Variants in OSER1 observed in about 807,000 individuals in gnomAD.
OSER1 encodes oxidative stress-responsive serine-rich protein 1.
A neutral mutation model predicts 26.3 loss-of-function variants in OSER1; 15 were observed. That is an observed-to-expected ratio of 0.57 (90% CI 0.38 to 0.88). The LOEUF is 0.88. Ranked by LOEUF, OSER1 falls within the 40% of genes least tolerant of loss-of-function variation. The probability of loss-of-function intolerance (pLI) is 0.00; values close to 1 mark genes in which losing one functional copy is unlikely to be tolerated. For missense variants in OSER1, 313 were observed against 353.9 expected, an observed-to-expected ratio of 0.88 and a Z score of 0.93; for synonymous variants, 127 against 128.2, an observed-to-expected ratio of 0.99 and a Z score of 0.07.
intron 3 of OSER1, among the ~76,000 whole-genome samples, chr20:44,198,313 A>G (rs941865485): frequency 8.5e-5 from 13 of 152,310 alleles, no homozygotes; most frequent in Middle Eastern, 3.4e-3. Flanking sequence ...ACTATGTAAG[A>G]TAACTATTTA....
At chr20:44,203,872 A>C (rs1334846186) in intron 2 of OSER1, among the ~76,000 whole-genome samples, 1 of 152,244 alleles carries the variant, frequency 6.6e-6, no homozygotes, top group African/African-American at 2.4e-5. Context: ...ATAGAAAAAA[A>C]ATACTGTATT....
upstream of OSER1, chr20:44,210,938 C>G (rs927770451): frequency 1.3e-5 from 2 of 152,296 alleles, no homozygotes; most frequent in African/African-American, 4.8e-5. Flanking sequence ...CCGCGCCTCT[C>G]CAACGCCCCG....
intron 3 of OSER1, among the ~76,000 whole-genome samples, chr20:44,202,380 T>TA (rs1201224003): frequency 1.9e-4 from 28 of 149,030 alleles, no homozygotes; most frequent in African/African-American, 6.7e-4. Flanking sequence ...GATTCCATCT[T>TA]AAGAAAAAAA....
At chr20:44,202,335 AC>A (rs2072991946) in intron 3 of OSER1, among the ~76,000 whole-genome samples, 1 of 152,150 alleles carries the variant, frequency 6.6e-6, no homozygotes, top group Admixed American at 6.5e-5. Context: ...AGATTGTGAC[AC>A]TGCACTCCAG....
At position 44,197,427 on chromosome 20, in the gene OSER1, G is replaced by A. The variant is rs756181259; in HGVS notation, c.504C>T (p.Asp168=). 8.7e-6 allele frequency: 14 copies of A among 1,614,084 alleles called. 1 individual carries two copies. Among genetic ancestry groups the A allele is most frequent in the South Asian group, 4.4e-5 (4 of 91,078 alleles). The part of the protein sequence containing the change: ...PSESKKEDSS[D]ATQVPQASLK... ...GACTTGCTTGGGGGACTTGGGTAGC[G>A]TCAGAGGAGTCTTCCTTCTTACTCT... The change falls in exon 4 of 4, where the codon GAC becomes GAT. Residue 168 remains aspartate (D), a synonymous_variant. Coordinates refer to ENST00000255174, the MANE Select transcript of OSER1 (RefSeq NM_016470.8).
intron 3 of OSER1, among the ~76,000 whole-genome samples, chr20:44,199,021 C>T (rs952484891): frequency 5.3e-5 from 8 of 152,180 alleles, no homozygotes; most frequent in African/African-American, 1.7e-4. Flanking sequence ...AGATCAACTA[C>T]CATGGTACTG....
Position 44,196,943 on chromosome 20 carries a change from G to A in OSER1, c.*109C>T, listed in dbSNP as rs2072924758. 1 of 737,220 alleles carries A rather than the reference G, an allele frequency of 1.4e-6. No individual in the cohort carries two copies. The highest frequency in any genetic ancestry group is 2.3e-6 in the Non-Finnish European group (1 of 433,266). 45.7% of individuals were successfully genotyped at this position (737,220 alleles called of 1,614,324 possible). On this transcript the variant is annotated 3_prime_UTR_variant, in exon 4 of 4. Coordinates refer to ENST00000255174, the MANE Select transcript of OSER1 (RefSeq NM_016470.8). ...GAAAAGTTTTTATTGCAAGCACAGT[G>A]AGCAGAAAGAGATGTCTTCTCACAC...
chr20:44,198,345 C>T (rs1248082646), intron 3 of OSER1, among the ~76,000 whole-genome samples: 2 of 152,126 alleles, frequency 1.3e-5, no homozygotes, highest in Non-Finnish European at 2.9e-5. Context: ...AATAGCCAGG[C>T]GCGGTGGCTC....
In OSER1 at chr20:44,206,885, A is replaced by G; in HGVS notation, c.73T>C (p.Ser25Pro). ...ATATATTACATATTTAATTACCCTG[A>G]TGCATCCACTCTTAATTTTTTGAAA... ...TAFKKLRVDA[S>P]GSVASLSVGE... is the part of the protein sequence containing the mutation. The change falls in exon 2 of 4, where the codon TCA (serine) becomes CCA (proline). Residue 25 changes from serine to proline, a missense_variant. Physicochemically the swap from Ser to Pro is moderately conservative, Grantham distance 74 (BLOSUM62 -1). Around this residue, in one of 2 missense-constraint regions of OSER1, gnomAD observed 300 missense variants for 318.3 expected, o/e 0.94. Coordinates refer to ENST00000255174, the MANE Select transcript of OSER1 (RefSeq NM_016470.8). The G allele has an allele frequency of 8.1e-7, 1 of 1,241,440 alleles. No homozygotes were observed. The highest frequency in any genetic ancestry group is 1.2e-6 in the Non-Finnish European group (1 of 840,510). 76.9% of individuals were successfully genotyped at this position (1,241,440 alleles called of 1,614,324 possible).
At chr20:44,203,569 A>C (rs1263386943) in intron 2 of OSER1, among the ~76,000 whole-genome samples, 1 of 152,196 alleles carries the variant, frequency 6.6e-6, no homozygotes, top group Non-Finnish European at 1.5e-5. Flanking sequence ...AAAATTATAC[A>C]GATAATATGG....
rs371334675 is a variant in OSER1, at chr20:44,203,570, GATA to G, written c.78-499_78-497del. ...AATCCTTGCGGTTTAAAATTATACAGATAATATGGGTTCCCAGTAAAGAACGTG... is the reference window on the plus strand; with the variant it reads ...AATCCTTGCGGTTTAAAATTATACAGATATGGGTTCCCAGTAAAGAACGTG... On this transcript the variant is annotated intron_variant, in intron 2 of 3. Transcript: ENST00000255174. Among the ~76,000 whole-genome samples the G allele has an allele frequency of 7.0e-4, 106 of 152,110 alleles. No homozygotes were observed. In the Middle Eastern group the frequency reaches 0.02, roughly 29 times the overall value.
intron 3 of OSER1, among the ~76,000 whole-genome samples, chr20:44,201,166 A>C (rs1487693350): frequency 6.6e-6 from 1 of 152,234 alleles, no homozygotes; most frequent in Non-Finnish European, 1.5e-5. Flanking sequence ...AGTCTGTGTG[A>C]GTGAAGTGCT....
At chr20:44,205,025 G>A (rs1015186000) in intron 2 of OSER1, among the ~76,000 whole-genome samples, 7 of 151,786 alleles carry the variant, frequency 4.6e-5, no homozygotes, top group East Asian at 1.9e-4. Flanking sequence ...TTTTGCAGAC[G>A]GGTTTCACCA....
chr20:44,206,563 G>C (rs986633235), intron 2 of OSER1, among the ~76,000 whole-genome samples: 1 of 152,156 alleles, frequency 6.6e-6, no homozygotes, highest in Non-Finnish European at 1.5e-5. Flanking sequence ...TGAGATGTAT[G>C]ATAAAATCCC....
At position 44,196,309 on chromosome 20, in the gene OSER1, A is replaced by C. The variant is rs895824426; in HGVS notation, c.*743T>G. On this transcript the variant is annotated 3_prime_UTR_variant, in exon 4 of 4. Coordinates refer to ENST00000255174, the MANE Select transcript of OSER1 (RefSeq NM_016470.8). The stretch of plus-strand genomic sequence containing the variant: ...CAACTGATAACAAAAAAAAAAAAAA[A>C]AAACCGCCATATATTTAAAATGCTG... Among the ~76,000 whole-genome samples, 4 of 87,852 alleles carry C rather than the reference A, an allele frequency of 4.6e-5. No individual in the cohort carries two copies. Among genetic ancestry groups the C allele is most frequent in the Admixed American group, 9.0e-5 (1 of 11,050 alleles). 57.6% of individuals were successfully genotyped at this position (87,852 alleles called of 152,430 possible).
chr20:44,204,153 T>C (rs1352659806), intron 2 of OSER1, among the ~76,000 whole-genome samples: 1 of 152,262 alleles, frequency 6.6e-6, no homozygotes, highest in Non-Finnish European at 1.5e-5. Context: ...AATAAGCATG[T>C]ATTATGTTAC....
chr20:44,197,107 T>C lies in OSER1; in HGVS notation c.824A>G (p.Tyr275Cys), dbSNP rs1296854890. ...TIEDLSGYME[Y>C]YLYIPKKMSH... The stretch of plus-strand genomic sequence containing the variant: ...CATTTTCTTGGGAATATACAAGTAA[T>C]ACTCCATGTAGCCTGACAGGTCCTC... The change falls in exon 4 of 4, where the codon TAT becomes TGT. Residue 275 changes from tyrosine to cysteine, a missense_variant. Tyr to Cys is a radical substitution (Grantham distance 194). Coordinates refer to ENST00000255174, the MANE Select transcript of OSER1 (RefSeq NM_016470.8). 6.2e-7 allele frequency: 1 copy of C among 1,613,904 alleles called. No individual in the cohort carries two copies. The highest frequency in any genetic ancestry group is 8.5e-7 in the Non-Finnish European group (1 of 1,179,882).
intron 3 of OSER1, among the ~76,000 whole-genome samples, chr20:44,200,257 T>C (rs1251207138): frequency 6.6e-6 from 1 of 152,230 alleles, no homozygotes; most frequent in African/African-American, 2.4e-5. Context: ...TGCTGAGATC[T>C]GAGCCTCACT....
Position 44,196,091 on chromosome 20 carries a change from C to G in OSER1, c.*961G>C, listed in dbSNP as rs1282104398. Among the ~76,000 whole-genome samples, 1 of 152,104 alleles carries G rather than the reference C, an allele frequency of 6.6e-6. No individual in the cohort carries two copies. Among genetic ancestry groups the G allele is most frequent in the African/African-American group, 2.4e-5 (1 of 41,422 alleles). On this transcript the variant is annotated 3_prime_UTR_variant, in exon 4 of 4. Coordinates refer to ENST00000255174, the MANE Select transcript of OSER1 (RefSeq NM_016470.8). ...ATTCTTTTTGGAGCCACCTGAAAAACAAGGATTCATCATCCAGCTGAAACC... is the reference window on the plus strand; with the variant it reads ...ATTCTTTTTGGAGCCACCTGAAAAAGAAGGATTCATCATCCAGCTGAAACC...
Sources: allele counts gnomAD v4.1 joint callset (sites outside exome capture counted in the v4.1 genomes callset), GRCh38; gene constraint gnomAD v4.1.1; regional missense constraint gnomAD v4.1.1; transcripts MANE v1.5; gene names NCBI Gene and HGNC (gene_info 2026-07-23, HGNC 2026-07-21).